VANGL2: variants seen among roughly 807,000 people sequenced by gnomAD.
The protein encoded by VANGL2 is VANGL planar cell polarity protein 2.
A neutral mutation model predicts 50.2 loss-of-function variants in VANGL2; 14 were observed. The ratio of observed to expected loss-of-function variants is 0.28; its 90% CI spans 0.18 to 0.44. The LOEUF (loss-of-function observed/expected upper bound fraction) is 0.44. VANGL2 is among the 20% of genes least tolerant of loss of function. The pLI is 1.00. For synonymous variants in VANGL2, 295 were observed against 297.2 expected (o/e 0.99, Z 0.08); for missense variants, 533 against 701.5 (o/e 0.76, Z 2.71).
Position 160,420,403 on chromosome 1 carries a change from C to G in VANGL2, c.801-8C>G, listed in dbSNP as rs752370633. The G allele has an allele frequency of 6.2e-7, 1 of 1,614,054 alleles. No homozygotes were observed. The highest frequency in any genetic ancestry group is 2.2e-5 in the East Asian group (1 of 44,862). On this transcript the variant is annotated splice_region_variant and splice_polypyrimidine_tract_variant and intron_variant, in intron 4 of 7. Transcript: ENST00000368061. Reference sequence around the variant, plus strand: ...TTCTCCCACCCCCTCCTGCCGTCTCCCCCACAGCATCCAGCGCGTGGCAGT... The same window carrying G: ...TTCTCCCACCCCCTCCTGCCGTCTCGCCCACAGCATCCAGCGCGTGGCAGT...
intron 1 of VANGL2, among the ~76,000 whole-genome samples, chr1:160,405,454 G>A (rs565085081): frequency 6.6e-6 from 1 of 152,320 alleles, no homozygotes; most frequent in Non-Finnish European, 1.5e-5. Flanking sequence ...TACAGAGTAG[G>A]AGGCAGAGGC....
At chr1:160,421,023 A>T (rs1031774632) in intron 5 of VANGL2, 29 bp from the exon 6 acceptor site, 6 of 1,613,850 alleles carry the variant, frequency 3.7e-6, no homozygotes, top group Non-Finnish European at 5.1e-6. Flanking sequence ...CTCTGATGTG[A>T]CCATCTCCTC....
At chr1:160,418,122 T>C (rs183414390) in intron 3 of VANGL2, among the ~76,000 whole-genome samples, 14 of 152,228 alleles carry the variant, frequency 9.2e-5, no homozygotes, top group Admixed American at 3.3e-4. Context: ...GATTTCTCCA[T>C]GTTGGTCAGG....
At chr1:160,402,621 T>C (rs1315834533) in intron 1 of VANGL2, among the ~76,000 whole-genome samples, 2 of 152,108 alleles carry the variant, frequency 1.3e-5, no homozygotes, top group East Asian at 1.9e-4. Context: ...TCAAGCATGA[T>C]TGAGATGGAG....
intron 4 of VANGL2, among the ~76,000 whole-genome samples, 186 bp from the exon 5 acceptor site, chr1:160,420,225 G>A (rs555265433): frequency 1.3e-5 from 2 of 152,204 alleles, no homozygotes; most frequent in Admixed American, 1.3e-4. Flanking sequence ...GGACTGGCAG[G>A]CCCAGCCCTG....
chr1:160,422,385 A>G (rs1159075906), intron 6 of VANGL2, among the ~76,000 whole-genome samples: 1 of 152,224 alleles, frequency 6.6e-6, no homozygotes, highest in Non-Finnish European at 1.5e-5. Context: ...TCCTTTCCCC[A>G]TTACCTTGCT....
At chr1:160,405,156 G>A in intron 1 of VANGL2, among the ~76,000 whole-genome samples, 1 of 152,246 alleles carries the variant, frequency 6.6e-6, no homozygotes, top group East Asian at 1.9e-4. Flanking sequence ...CCATCTCCCT[G>A]TTCACTTGAC....
At chr1:160,417,408 A>G (rs1651099903) in intron 3 of VANGL2, among the ~76,000 whole-genome samples, 1 of 152,222 alleles carries the variant, frequency 6.6e-6, no homozygotes, top group East Asian at 1.9e-4. Context: ...GCCTCCAGCC[A>G]CTGCAGAGAA....
At chr1:160,421,293 T>G in intron 6 of VANGL2, 106 bp downstream of exon 6, 7 of 1,461,044 alleles carry the variant, frequency 4.8e-6, no homozygotes, top group Non-Finnish European at 6.6e-6. Context: ...AATGATGACA[T>G]GAGTTGGGGG....
At chr1:160,420,908 C>CA in intron 5 of VANGL2, 144 bp from the exon 6 acceptor site, 1 of 1,256,004 alleles carries the variant, frequency 8.0e-7, no homozygotes, top group Admixed American at 2.0e-5. Flanking sequence ...CAGAGGTGGC[C>CA]AGGAGGGTTG....
rs1651030850 is a variant in VANGL2, at chr1:160,415,754, G to A, written c.-84G>A. 5 of 1,502,716 alleles carry A rather than the reference G, an allele frequency of 3.3e-6. No homozygotes were observed. The highest frequency in any genetic ancestry group is 1.2e-5 in the South Asian group (1 of 83,868). The allele number at this position is 1,502,716 out of a possible 1,614,324, so 93.1% of individuals were successfully genotyped here. A position where few individuals can be genotyped will look rare whatever the true frequency, so the allele number is the denominator to read the frequency against. On this transcript the variant is annotated 5_prime_UTR_variant, in exon 2 of 8. In the 5' UTR this introduces an upstream ATG that the reference lacks. Transcript: ENST00000368061. ...GGTGCCTCTTGGCCTAAAGAAGCCG[G>A]TGCTGAAGGAGGTGGCTGTGGGGCC...
intron 6 of VANGL2, among the ~76,000 whole-genome samples, chr1:160,421,563 T>C (rs1284839157): frequency 6.6e-6 from 1 of 152,204 alleles, no homozygotes; most frequent in African/African-American, 2.4e-5. Context: ...CACTTTTTTT[T>C]CCAGCAGAAA....
rs1380499067 is a variant in VANGL2 at position 160,416,048 on chromosome 1, G to T, written c.72-14G>T. On this transcript the variant is annotated splice_polypyrimidine_tract_variant and intron_variant, in intron 2 of 7. Transcript: ENST00000368061. ...CACTGGACTTTCTGTGCCTTTTCTG[G>T]CTTCCTGCCGCAGGGACCGCCGGGA... 6.2e-7 allele frequency: 1 copy of T among 1,614,182 alleles called. No homozygotes were observed.
intron 2 of VANGL2, 67 bp from the exon 3 acceptor site, chr1:160,415,995 A>G: frequency 6.2e-7 from 1 of 1,614,110 alleles, no homozygotes; most frequent in Non-Finnish European, 8.5e-7. Flanking sequence ...GGTAGGGTAG[A>G]GTGGCTGCTG....
Position 160,416,067 on chromosome 1 carries a change from G to T in VANGL2, c.77G>T (p.Arg26Leu). The change falls in exon 3 of 8, where the codon CGC becomes CTC. Residue 26 changes from arginine to leucine, a missense_variant. Coordinates refer to ENST00000368061, the MANE Select transcript of VANGL2 (RefSeq NM_020335.3). ...HSRSSRKHRDRRDRHRSKSRD... is the reference protein window; with the variant it reads ...HSRSSRKHRDLRDRHRSKSRD... ...TTTCTGGCTTCCTGCCGCAGGGACC[G>T]CCGGGACCGACACCGCTCTAAGAGT... 1 of 1,614,220 alleles carries T rather than the reference G, an allele frequency of 6.2e-7. No homozygotes were observed. The highest frequency in any genetic ancestry group is 8.5e-7 in the Non-Finnish European group (1 of 1,180,040).
At chr1:160,415,960 T>A in intron 2 of VANGL2, 52 bp downstream of exon 2, 1 of 1,613,968 alleles carries the variant, frequency 6.2e-7, no homozygotes, top group Non-Finnish European at 8.5e-7. Flanking sequence ...TTGGGGGCTG[T>A]TAAGAGGTGG....
intron 1 of VANGL2, among the ~76,000 whole-genome samples, chr1:160,415,264 C>A (rs532280576): frequency 1.3e-5 from 2 of 152,332 alleles, no homozygotes; most frequent in South Asian, 4.1e-4. Flanking sequence ...TCTGAGGTGT[C>A]CACTGATTCA....
chr1:160,410,470 C>T (rs1408843292), intron 1 of VANGL2, among the ~76,000 whole-genome samples: 2 of 152,140 alleles, frequency 1.3e-5, no homozygotes, highest in Non-Finnish European at 2.9e-5. Flanking sequence ...GACTGGGCTG[C>T]GGGGTGGGCC....
intron 1 of VANGL2, among the ~76,000 whole-genome samples, chr1:160,408,483 C>A (rs560699075): frequency 6.6e-6 from 1 of 152,260 alleles, no homozygotes; most frequent in African/African-American, 2.4e-5. Context: ...CCTTCCCCTG[C>A]GGTGCACCCT....
Sources: allele counts gnomAD v4.1 joint callset (sites outside exome capture counted in the v4.1 genomes callset), GRCh38; gene constraint gnomAD v4.1.1; transcripts MANE v1.5; gene names NCBI Gene and HGNC (gene_info 2026-07-23, HGNC 2026-07-21).